Variants in ABCD2 observed in about 807,000 individuals in gnomAD.
ABCD2 encodes ATP binding cassette subfamily D member 2.
A neutral mutation model predicts 70.9 loss-of-function variants in ABCD2; 36 were observed. The ratio of observed to expected loss-of-function variants is 0.51; its 90% confidence interval spans 0.39 to 0.67. The LOEUF is 0.67. Among genes scored for constraint, ABCD2 ranks in the 30% least tolerant of loss-of-function variants. The probability of loss-of-function intolerance (pLI) is 0.00; values close to 1 mark genes in which losing one functional copy is unlikely to be tolerated. For synonymous variants in ABCD2, 304 were observed against 306.9 expected (o/e 0.99, Z 0.10); for missense variants, 729 against 890.2 (o/e 0.82, Z 2.30).
intron 2 of ABCD2, among the ~76,000 whole-genome samples, chr12:39,614,625 A>T (rs1284456629): frequency 6.6e-6 from 1 of 152,090 alleles, no homozygotes; most frequent in Non-Finnish European, 1.5e-5. Flanking sequence ...CTAAAGGCAT[A>T]CGTGTAAACT....
intron 2 of ABCD2, among the ~76,000 whole-genome samples, chr12:39,609,212 T>A (rs953037635): frequency 6.6e-6 from 1 of 152,142 alleles, no homozygotes; most frequent in Non-Finnish European, 1.5e-5. Flanking sequence ...CATCCTAAAT[T>A]ACTGTCAATG....
chr12:39,561,359 T>G (rs544850953), intron 9 of ABCD2, among the ~76,000 whole-genome samples: 1 of 141,564 alleles, frequency 7.1e-6, no homozygotes, highest in Non-Finnish European at 1.5e-5. Context: ...ACCACTGCAC[T>G]CCAGCCTGGG....
At chr12:39,575,429 A>G (rs1163191106) in intron 8 of ABCD2, among the ~76,000 whole-genome samples, 1 of 152,138 alleles carries the variant, frequency 6.6e-6, no homozygotes, top group Non-Finnish European at 1.5e-5. Flanking sequence ...ATAAGAAAAA[A>G]AGCATTAGGT....
At chr12:39,580,074 G>A (rs577249389) in intron 7 of ABCD2, among the ~76,000 whole-genome samples, 175 of 152,274 alleles carry the variant, frequency 1.1e-3, no homozygotes, top group Non-Finnish European at 2.1e-3. Flanking sequence ...AGTTTTGTAA[G>A]ACAGATTTTA....
intron 6 of ABCD2, among the ~76,000 whole-genome samples, chr12:39,592,109 G>A (rs1309323785): frequency 6.6e-6 from 1 of 152,152 alleles, no homozygotes; most frequent in Non-Finnish European, 1.5e-5. Context: ...GAACTAAAAT[G>A]TACAACTTCT....
At chr12:39,538,671 G>T in the ABCD2 span, among the ~76,000 whole-genome samples, 4 of 151,972 alleles carry the variant, frequency 2.6e-5, no homozygotes, top group South Asian at 2.1e-4. Context: ...TTCTCCCTGG[G>T]GCCTGAAAGC....
At chr12:39,534,756 GAAAGAGAAAGAA>G in the ABCD2 span, among the ~76,000 whole-genome samples, 2,176 of 77,176 alleles carry the variant, frequency 0.028, 23 homozygotes, top group African/African-American at 0.046. Flanking sequence ...AGGAAAGAAA[GAAAGAGAAAGAA>G]AGAAAGAAAG....
chr12:39,600,948 G>A (rs776750062), intron 5 of ABCD2, among the ~76,000 whole-genome samples: 1 of 152,034 alleles, frequency 6.6e-6, no homozygotes, highest in African/African-American at 2.4e-5. Flanking sequence ...TTCTTGAAAT[G>A]GGCACTGGCT....
intron 6 of ABCD2, among the ~76,000 whole-genome samples, chr12:39,591,361 A>G (rs1412667588): frequency 6.6e-6 from 1 of 152,204 alleles, no homozygotes; most frequent in African/African-American, 2.4e-5. Context: ...CTAGATTCCA[A>G]AACAGAGATG....
At chr12:39,533,341 T>C in the ABCD2 span, among the ~76,000 whole-genome samples, 1 of 152,164 alleles carries the variant, frequency 6.6e-6, no homozygotes, top group Non-Finnish European at 1.5e-5. Context: ...CCATTGAAAA[T>C]AAAACTATCA....
At chr12:39,534,890 A>AAG in the ABCD2 span, among the ~76,000 whole-genome samples, 1 of 14,144 alleles carries the variant, frequency 7.1e-5, no homozygotes, top group Admixed American at 5.8e-4. Context: ...GAAGGAAAGA[A>AAG]AGAAAGAAAG....
chr12:39,573,169 A>G (rs552459592), intron 9 of ABCD2, among the ~76,000 whole-genome samples: 12 of 152,222 alleles, frequency 7.9e-5, no homozygotes, highest in Non-Finnish European at 1.5e-5. Flanking sequence ...AAAGTAGGGG[A>G]ATTGTAAAAT....
At chr12:39,615,468 A>C (rs2120785445) in intron 2 of ABCD2, among the ~76,000 whole-genome samples, 1 of 152,170 alleles carries the variant, frequency 6.6e-6, no homozygotes, top group South Asian at 2.1e-4. Flanking sequence ...ATTATGTCTA[A>C]AATACTATTA....
At chr12:39,563,756 C>A (rs1332051169) in intron 9 of ABCD2, among the ~76,000 whole-genome samples, 4 of 152,142 alleles carry the variant, frequency 2.6e-5, no homozygotes, top group Non-Finnish European at 5.9e-5. Flanking sequence ...AGTTATATCT[C>A]CTAATGCTAT....
At chr12:39,584,374 C>T (rs1409504169) in intron 7 of ABCD2, among the ~76,000 whole-genome samples, 1 of 151,708 alleles carries the variant, frequency 6.6e-6, no homozygotes, top group Admixed American at 6.6e-5. Context: ...GTTTGTTTTT[C>T]CCTTGTAAAT....
chr12:39,610,080 C>G (rs1165740373), intron 2 of ABCD2, among the ~76,000 whole-genome samples: 1 of 152,022 alleles, frequency 6.6e-6, no homozygotes, highest in Non-Finnish European at 1.5e-5. Context: ...TGAGAGACGT[C>G]TTGAAGATGG....
At chr12:39,540,032 G>T in the ABCD2 span, among the ~76,000 whole-genome samples, 2 of 152,142 alleles carry the variant, frequency 1.3e-5, no homozygotes, top group Non-Finnish European at 2.9e-5. Flanking sequence ...ATTGATCCAG[G>T]TTTCCTGTGC....
At chr12:39,596,058 C>G (rs1177477313) in intron 6 of ABCD2, among the ~76,000 whole-genome samples, 1 of 152,116 alleles carries the variant, frequency 6.6e-6, no homozygotes, top group Non-Finnish European at 1.5e-5. Flanking sequence ...CTAAGAAATG[C>G]TTTCTTTTCT....
rs199745208 is a variant in ABCD2 at position 39,586,021 on chromosome 12, T to G, written c.1792+131A>C. 1.4e-5 allele frequency: 11 copies of G among 780,578 alleles called. No homozygotes were observed. The East Asian group carries it at 3.2e-4, about 23-fold the overall frequency. 48.4% of individuals were successfully genotyped at this position (780,578 alleles called of 1,614,324 possible). A position where few individuals can be genotyped will look rare whatever the true frequency, so the allele number is the denominator to read the frequency against. On this transcript the variant is annotated intron_variant, in intron 7 of 9. Transcript: ENST00000308666. Reference sequence around the variant, plus strand: ...GTAAATAATGGAACAGCAATAAAACTCCATCTTTACACTTATGTGCTTATT... The same window carrying G: ...GTAAATAATGGAACAGCAATAAAACGCCATCTTTACACTTATGTGCTTATT...
Sources: allele counts gnomAD v4.1 joint callset (sites outside exome capture counted in the v4.1 genomes callset), GRCh38; gene constraint gnomAD v4.1.1; transcripts MANE v1.5; gene names NCBI Gene and HGNC (gene_info 2026-07-23, HGNC 2026-07-21).